Variants in GDAP1 observed in about 807,000 individuals in gnomAD.
The protein encoded by GDAP1 is ganglioside-induced differentiation-associated protein 1.
A neutral mutation model predicts 40.1 loss-of-function variants in GDAP1; 34 were observed. The ratio of observed to expected loss-of-function variants is 0.85; its 90% CI spans 0.64 to 1.13. GDAP1 has a LOEUF of 1.13. Ranked by LOEUF, GDAP1 falls within the 50% of genes most tolerant of loss-of-function variation. The pLI is 0.00. For missense variants in GDAP1, 374 were observed against 433.7 expected, an observed-to-expected ratio of 0.86 and a Z score of 1.22; for synonymous variants, 170 against 157.4, an observed-to-expected ratio of 1.08 and a Z score of -0.60.
At chr8:74,464,297 T>A (rs1023115750) in intron 2 of GDAP1, among the ~76,000 whole-genome samples, 2 of 152,216 alleles carry the variant, frequency 1.3e-5, no homozygotes, top group African/African-American at 2.4e-5. Context: ...TAATTTAAGC[T>A]ACTTCAATTC....
intron 2 of GDAP1, among the ~76,000 whole-genome samples, chr8:74,447,678 A>C (rs1228509942): frequency 3.3e-5 from 5 of 152,180 alleles, no homozygotes; most frequent in African/African-American, 4.8e-5. Flanking sequence ...GGGCACTTTC[A>C]GGACAGAAGC....
In GDAP1 at chr8:74,351,436, A is replaced by G. The variant is rs370416504; in HGVS notation, c.280A>G (p.Ile94Val). ...ENIICEATQIIDYLEQTFLDE... is the reference protein window; with the variant it reads ...ENIICEATQIVDYLEQTFLDE... ...CATAATTTGTGAGGCCACTCAGATC[A>G]TTGATTATCTTGAACAGACTTTCCT... The change falls in exon 2 of 6, where the codon ATT becomes GTT. Residue 94 changes from isoleucine (I) to valine (V), a missense_variant. Transcript: ENST00000220822. 2 of 1,613,878 alleles carry G rather than the reference A, an allele frequency of 1.2e-6. No individual in the cohort carries two copies. The highest frequency in any genetic ancestry group is 2.7e-5 in the African/African-American group (2 of 74,942).
At chr8:74,416,312 A>G (rs747022113) in intron 2 of GDAP1, among the ~76,000 whole-genome samples, 4 of 150,046 alleles carry the variant, frequency 2.7e-5, no homozygotes, top group Non-Finnish European at 5.9e-5. Flanking sequence ...ATTGCCTGAG[A>G]CGCCATTGAG....
In GDAP1 at chr8:74,365,017, T is replaced by G. The variant is rs1253506745; in HGVS notation, c.*650T>G. The G allele has an allele frequency of 2.2e-6, 1 of 454,138 alleles. No homozygotes were observed. The highest frequency in any genetic ancestry group is 1.6e-5 in the South Asian group (1 of 64,464). The allele number at this position is 454,138 out of a possible 1,614,324, so 28.1% of individuals were successfully genotyped here. ...TGAATTACCAAGTGGTAATGGTTCC[T>G]TACTGTTTTAGATGGTGCCTGTGAG... On this transcript the variant is annotated 3_prime_UTR_variant, in exon 6 of 6. Transcript: ENST00000220822.
At chr8:74,427,008 T>C (rs1190307896) in intron 2 of GDAP1, among the ~76,000 whole-genome samples, 1 of 152,220 alleles carries the variant, frequency 6.6e-6, no homozygotes, top group Non-Finnish European at 1.5e-5. Context: ...CGTACCTGTG[T>C]GTGGCCTCTT....
chr8:74,441,728 A>G (rs941398304), intron 2 of GDAP1, among the ~76,000 whole-genome samples: 1 of 152,194 alleles, frequency 6.6e-6, no homozygotes, highest in Non-Finnish European at 1.5e-5. Flanking sequence ...TTAAAATTTA[A>G]TCTAAGAATT....
At chr8:74,350,613 A>C (rs753611796) in intron 1 of GDAP1, 35 bp downstream of exon 1, 3 of 1,286,430 alleles carry the variant, frequency 2.3e-6, no homozygotes, top group Non-Finnish European at 3.4e-6. Context: ...GGTGGCGCGG[A>C]TCGGGCTTCA....
At chr8:74,351,066 C>G (rs1274741457) in intron 1 of GDAP1, among the ~76,000 whole-genome samples, 1 of 151,990 alleles carries the variant, frequency 6.6e-6, no homozygotes, top group Non-Finnish European at 1.5e-5. Flanking sequence ...CAGTCAGAAT[C>G]ATTTCATTAC....
chr8:74,420,610 T>A (rs1422206869), intron 2 of GDAP1, among the ~76,000 whole-genome samples: 1 of 152,224 alleles, frequency 6.6e-6, no homozygotes, highest in Non-Finnish European at 1.5e-5. Flanking sequence ...TGTCAGATGC[T>A]GTGCGGAGTG....
chr8:74,397,368 C>T (rs1200787038), intron 2 of GDAP1, among the ~76,000 whole-genome samples: 3 of 152,196 alleles, frequency 2.0e-5, no homozygotes, highest in African/African-American at 7.2e-5. Flanking sequence ...TAATTAGATT[C>T]CATTTGTCAA....
intron 1 of GDAP1, 48 bp downstream of exon 1, chr8:74,350,626 A>T (rs372599308): frequency 8.7e-7 from 1 of 1,145,928 alleles, no homozygotes; most frequent in Non-Finnish European, 1.3e-6. Flanking sequence ...GGGCTTCAGC[A>T]CTGGGACAGC....
intron 2 of GDAP1, among the ~76,000 whole-genome samples, chr8:74,435,924 C>T (rs1806083136): frequency 1.3e-5 from 2 of 152,140 alleles, no homozygotes; most frequent in African/African-American, 4.8e-5. Context: ...AATATTAGCA[C>T]ATAAATGTTA....
chr8:74,477,826 G>A (rs1165233220), intron 2 of GDAP1, among the ~76,000 whole-genome samples: 1 of 152,130 alleles, frequency 6.6e-6, no homozygotes, highest in African/African-American at 2.4e-5. Context: ...GCTGGGGCAA[G>A]GTGCTAGTAT....
At chr8:74,464,404 C>CT (rs1054477169) in intron 2 of GDAP1, among the ~76,000 whole-genome samples, 26 of 152,178 alleles carry the variant, frequency 1.7e-4, no homozygotes, top group African/African-American at 4.6e-4. Flanking sequence ...TAGTGGTTTG[C>CT]TTGGTTTTCT....
intron 2 of GDAP1, among the ~76,000 whole-genome samples, chr8:74,375,633 T>G (rs1223124713): frequency 6.6e-6 from 1 of 152,202 alleles, no homozygotes; most frequent in Non-Finnish European, 1.5e-5. Flanking sequence ...GGAAACTTCC[T>G]CACCCTGATG....
intron 2 of GDAP1, among the ~76,000 whole-genome samples, chr8:74,428,612 G>A (rs1196988104): frequency 1.5e-5 from 2 of 133,508 alleles, no homozygotes; most frequent in Non-Finnish European, 3.1e-5. Context: ...GACTACGGGC[G>A]TATGCCACCA....
At chr8:74,376,328 A>G (rs948544385) in intron 2 of GDAP1, among the ~76,000 whole-genome samples, 46 of 151,414 alleles carry the variant, frequency 3.0e-4, no homozygotes, top group Admixed American at 9.9e-4. Context: ...ATTTTGAGAC[A>G]CACTGGAGTT....
Position 74,365,525 on chromosome 8 carries a change from A to G in GDAP1, c.*1158A>G. The G allele has an allele frequency of 2.2e-6, 1 of 454,350 alleles. No individual in the cohort carries two copies. The highest frequency in any genetic ancestry group is 4.4e-6 in the Non-Finnish European group (1 of 226,778). The allele number at this position is 454,350 out of a possible 1,614,324, so 28.1% of individuals were successfully genotyped here. A position where few individuals can be genotyped will look rare whatever the true frequency, so the allele number is the denominator to read the frequency against. ...AAGTCTTTCATGGTGACAGGAAGAC[A>G]GTTTCCCTGGAGCTGGCCATGAAGG... is the stretch of plus-strand genomic sequence containing the variant. On this transcript the variant is annotated 3_prime_UTR_variant, in exon 6 of 6. Transcript: ENST00000220822.
At chr8:74,440,331 C>T (rs569277036) in intron 2 of GDAP1, among the ~76,000 whole-genome samples, 2 of 152,264 alleles carry the variant, frequency 1.3e-5, no homozygotes, top group African/African-American at 4.8e-5. Flanking sequence ...AATAGAAGCT[C>T]TTTTAACCTC....
Sources: allele counts gnomAD v4.1 joint callset (sites outside exome capture counted in the v4.1 genomes callset), GRCh38; gene constraint gnomAD v4.1.1; transcripts MANE v1.5; gene names NCBI Gene and HGNC (gene_info 2026-07-23, HGNC 2026-07-21).